Variants in ECPAS observed in about 807,000 individuals in gnomAD.
ECPAS encodes the protein Ecm29 proteasome adaptor and scaffold.
A neutral mutation model predicts 255.1 loss-of-function variants in ECPAS; 70 were observed. That is an observed-to-expected ratio of 0.27 (90% confidence interval 0.23 to 0.33). The LOEUF (loss-of-function observed/expected upper bound fraction) is 0.33, where lower values mean the gene tolerates loss of function less well. Ranked by LOEUF, ECPAS falls within the 10% of genes least tolerant of loss-of-function variation. The probability of loss-of-function intolerance (pLI) is 1.00; values close to 1 mark genes in which losing one functional copy is unlikely to be tolerated. For missense variants in ECPAS, 1,817 were observed against 2,206.4 expected (o/e 0.82, Z 3.54); for synonymous variants, 784 against 775.0 (o/e 1.01, Z -0.19).
chr9:111,465,894 C>A (rs1292404317), intron 2 of ECPAS, among the ~76,000 whole-genome samples: 1 of 151,620 alleles, frequency 6.6e-6, no homozygotes, highest in Non-Finnish European at 1.5e-5. Flanking sequence ...ATGAGCCAGG[C>A]ATGGTGGTGC....
chr9:111,472,610 T>C (rs987668711), intron 2 of ECPAS, among the ~76,000 whole-genome samples: 4 of 150,174 alleles, frequency 2.7e-5, no homozygotes, highest in Admixed American at 6.7e-5. Flanking sequence ...ACTGCACTCC[T>C]GCCTGGACAA....
intron 38 of ECPAS, among the ~76,000 whole-genome samples, chr9:111,374,567 T>C (rs900124826): frequency 1.3e-5 from 2 of 152,258 alleles, no homozygotes; most frequent in Non-Finnish European, 2.9e-5. Flanking sequence ...GTTATCTCTG[T>C]ATGGCAAAAT....
At chr9:111,413,044 G>C (rs2131733569) in intron 20 of ECPAS, among the ~76,000 whole-genome samples, 1 of 152,172 alleles carries the variant, frequency 6.6e-6, no homozygotes, top group South Asian at 2.1e-4. Flanking sequence ...ATCCCTTTTG[G>C]TGTGGCCATG....
At chr9:111,436,044 A>AT (rs916026877) in intron 7 of ECPAS, among the ~76,000 whole-genome samples, 177 of 151,694 alleles carry the variant, frequency 1.2e-3, no homozygotes, top group African/African-American at 4.0e-3. Context: ...AAAAAAAAAA[A>AT]AGATCCATAA....
chr9:111,372,915 C>G (rs2098129151), intron 41 of ECPAS, among the ~76,000 whole-genome samples: 1 of 152,210 alleles, frequency 6.6e-6, no homozygotes, highest in East Asian at 1.9e-4. Flanking sequence ...GCCTGTAGTT[C>G]CAGCTACTCA....
At chr9:111,394,585 T>C (rs1564514950) in intron 25 of ECPAS, among the ~76,000 whole-genome samples, 2 of 152,196 alleles carry the variant, frequency 1.3e-5, no homozygotes, top group Admixed American at 1.3e-4. Flanking sequence ...CTACTAGATG[T>C]TTCTCATCTT....
Position 111,366,623 on chromosome 9 carries a change from A to G in ECPAS, c.5118T>C (p.Cys1706=), listed in dbSNP as rs2098120624. The G allele has an allele frequency of 1.9e-6, 3 of 1,611,412 alleles. No homozygotes were observed. In the African/African-American group the frequency reaches 4.0e-5, roughly 22 times the overall value. ...AWPRNAETQR[C]YRQELCKLMC... ...TCAGTTTGCACAGCTCCTGACGATAACAACCTGGGAAAAAAAGACAAGGTG... is the reference window on the plus strand; with the variant it reads ...TCAGTTTGCACAGCTCCTGACGATAGCAACCTGGGAAAAAAAGACAAGGTG... Residue 1706 remains cysteine, a synonymous_variant, in exon 47 of 50, where the codon TGT becomes TGC. Coordinates refer to ENST00000684092, the MANE Select transcript of ECPAS (RefSeq NM_001364929.1).
At chr9:111,372,291 A>G (rs2098128301) in intron 42 of ECPAS, 138 bp downstream of exon 42, 1 of 803,258 alleles carries the variant, frequency 1.2e-6, no homozygotes, top group African/African-American at 1.7e-5. Flanking sequence ...AGCAATTTGG[A>G]TGGGTTTAAA....
At chr9:111,365,030 G>A (rs1417768066) in intron 48 of ECPAS, among the ~76,000 whole-genome samples, 1 of 152,134 alleles carries the variant, frequency 6.6e-6, no homozygotes, top group Non-Finnish European at 1.5e-5. Flanking sequence ...AAATAATCCT[G>A]GAGGCCAAGG....
intron 20 of ECPAS, 86 bp downstream of exon 20, chr9:111,413,809 A>C: frequency 1.3e-6 from 1 of 777,622 alleles, no homozygotes; most frequent in Non-Finnish European, 2.0e-6. Context: ...AAAAGGTCAT[A>C]GGGATCCCGC....
intron 42 of ECPAS, 33 bp from the exon 43 acceptor site, chr9:111,371,862 G>A (rs964772383): frequency 1.3e-6 from 2 of 1,551,248 alleles, no homozygotes; most frequent in South Asian, 1.1e-5. Context: ...ACTTTTAAGT[G>A]ACAAGAAAAA....
At chr9:111,429,321 G>A (rs1011066637) in intron 9 of ECPAS, among the ~76,000 whole-genome samples, 5 of 151,790 alleles carry the variant, frequency 3.3e-5, no homozygotes, top group Admixed American at 3.3e-4. Flanking sequence ...GTCATCTGGT[G>A]ACATGGCTTT....
chr9:111,438,941 T>C (rs1026051006), intron 6 of ECPAS, among the ~76,000 whole-genome samples: 1 of 152,184 alleles, frequency 6.6e-6, no homozygotes, highest in Non-Finnish European at 1.5e-5. Flanking sequence ...ACTTTTGTGA[T>C]CAGGAAAGAA....
At chr9:111,426,552 T>C (rs1452673248) in intron 10 of ECPAS, among the ~76,000 whole-genome samples, 5 of 151,810 alleles carry the variant, frequency 3.3e-5, no homozygotes, top group Non-Finnish European at 7.4e-5. Flanking sequence ...AGTTAAGAGA[T>C]ACACACATTA....
chr9:111,434,836 G>A (rs1340487809), intron 7 of ECPAS, among the ~76,000 whole-genome samples: 3 of 149,230 alleles, frequency 2.0e-5, no homozygotes, highest in Non-Finnish European at 3.0e-5. Flanking sequence ...GACCTCAAGC[G>A]ATCTGCCCAA....
At chr9:111,366,474 T>C (rs1354098483) in intron 47 of ECPAS, 48 bp downstream of exon 47, 1 of 1,429,040 alleles carries the variant, frequency 7.0e-7, no homozygotes, top group Non-Finnish European at 9.8e-7. Flanking sequence ...ATACATAAAA[T>C]GCTGCGGGGA....
At position 111,425,413 on chromosome 9, in the gene ECPAS, C is replaced by T. The variant is rs188396429; in HGVS notation, c.1215+5G>A. On this transcript the variant is annotated splice_donor_5th_base_variant and intron_variant, in intron 12 of 49. Transcript: ENST00000684092. ...TTGATAAAATTTAAAAGACAAGTCA[C>T]TTACCTCTTTGTATTCATTGATTAG... 2 of 1,558,992 alleles carry T rather than the reference C, an allele frequency of 1.3e-6. No homozygotes were observed. The highest frequency in any genetic ancestry group is 4.6e-5 in the East Asian group (2 of 43,772).
At chr9:111,483,559 G>C in intron 1 of ECPAS, 1 of 506,332 alleles carries the variant, frequency 2.0e-6, no homozygotes, top group Non-Finnish European at 2.5e-6. Flanking sequence ...GCCGGGGAGG[G>C]AACGAGGGAG....
chr9:111,413,668 CT>C (rs1009037548), intron 20 of ECPAS, among the ~76,000 whole-genome samples: 2 of 151,284 alleles, frequency 1.3e-5, no homozygotes, highest in East Asian at 1.9e-4. Flanking sequence ...AGAAAAGGAA[CT>C]TTTTTTTACT....
Sources: allele counts gnomAD v4.1 joint callset (sites outside exome capture counted in the v4.1 genomes callset), GRCh38; gene constraint gnomAD v4.1.1; transcripts MANE v1.5; gene names NCBI Gene and HGNC (gene_info 2026-07-23, HGNC 2026-07-21).